The following YIPF1 variants were observed in gnomAD, a reference collection of about 807,000 sequenced individuals.
YIPF1 encodes the protein protein YIPF1.
YIPF1 carries 22 observed loss-of-function variants against 37.0 expected under a neutral mutation model. That is an observed-to-expected ratio of 0.59 (90% CI 0.42 to 0.85). The LOEUF (loss-of-function observed/expected upper bound fraction) is 0.85. Ranked by LOEUF, YIPF1 falls within the 40% of genes least tolerant of loss-of-function variation. The probability of loss-of-function intolerance (pLI) is 0.00; values close to 1 mark genes in which losing one functional copy is unlikely to be tolerated. For synonymous variants in YIPF1, 128 were observed against 131.9 expected (o/e 0.97, Z 0.21); for missense variants, 355 against 373.1 (o/e 0.95, Z 0.40).
At chr1:53,877,664 C>T (rs903613883) in intron 6 of YIPF1, among the ~76,000 whole-genome samples, 1 of 152,116 alleles carries the variant, frequency 6.6e-6, no homozygotes, top group Non-Finnish European at 1.5e-5. Flanking sequence ...GGAGCCAGCT[C>T]ATCTGAGGGC....
rs376157782 is a variant in YIPF1 at position 53,888,932 on chromosome 1, T to C, written c.6A>G (p.Ala2=). ...CTTCAAATTGCAAGTCATCTACTGC[T>C]GCCATTCGGCCAGTGAGTCTTCTCC... M[A]AVDDLQFEEF... is the part of the protein sequence containing the mutation. The change falls in exon 3 of 11, where the codon GCA becomes GCG. Residue 2 remains alanine (A), a synonymous_variant. Coordinates refer to ENST00000072644, the MANE Select transcript of YIPF1 (RefSeq NM_018982.5). 4.4e-6 allele frequency: 7 copies of C among 1,597,186 alleles called. No homozygotes were observed. The highest frequency in any genetic ancestry group is 6.0e-6 in the Non-Finnish European group (7 of 1,166,108).
rs1371922616 is a variant in YIPF1, at chr1:53,866,850, T to C, written c.556A>G (p.Arg186Gly). ...PLALWGFLMW[R>G]NSKVMNIVSY... ...ACGATGTTCATAACTTTGCTGTTTC[T>C]CCACATGAGGAAACCCCAGAGTGCA... is the stretch of plus-strand genomic sequence containing the variant. The change falls in exon 8 of 11, where the codon AGA (arginine) becomes GGA (glycine). Residue 186 changes from arginine to glycine, a missense_variant. By Grantham distance (125) the Arg-to-Gly change is moderately radical. Transcript: ENST00000072644. 2 of 1,614,210 alleles carry C rather than the reference T, an allele frequency of 1.2e-6. No homozygotes were observed. The highest frequency in any genetic ancestry group is 3.3e-5 in the Admixed American group (2 of 60,032).
chr1:53,883,042 G>A (rs1650543148), intron 4 of YIPF1, 71 bp downstream of exon 4: 3 of 1,481,838 alleles, frequency 2.0e-6, no homozygotes, highest in Non-Finnish European at 2.7e-6. Flanking sequence ...CTGGCACACA[G>A]TAGACAGTGA....
chr1:53,852,476 T>C (rs997054426), intron 10 of YIPF1, among the ~76,000 whole-genome samples: 1 of 152,204 alleles, frequency 6.6e-6, no homozygotes, highest in Non-Finnish European at 1.5e-5. Flanking sequence ...AGAAAGATGA[T>C]GCTTTAAAAA....
chr1:53,888,596 A>C (rs1650718524), intron 3 of YIPF1, among the ~76,000 whole-genome samples: 1 of 152,224 alleles, frequency 6.6e-6, no homozygotes. Context: ...AGTATCTTGT[A>C]CGGTTCTAAG....
intron 8 of YIPF1, 43 bp downstream of exon 8, chr1:53,866,715 A>G: frequency 1.3e-6 from 2 of 1,574,686 alleles, no homozygotes; most frequent in Non-Finnish European, 1.7e-6. Context: ...TCTACCAAGA[A>G]CAGAGCATCA....
chr1:53,858,859 C>T (rs1003470568), intron 10 of YIPF1, among the ~76,000 whole-genome samples: 6 of 152,184 alleles, frequency 3.9e-5, no homozygotes. Flanking sequence ...TGGTCTCAAA[C>T]TCTTGAGCTC....
intron 3 of YIPF1, among the ~76,000 whole-genome samples, chr1:53,887,577 A>G (rs558172959): frequency 2.6e-5 from 4 of 152,130 alleles, no homozygotes; most frequent in South Asian, 2.1e-4. Flanking sequence ...TGGTGAGAGT[A>G]GTGGTGGAGG....
chr1:53,858,646 A>G (rs1649785542), intron 10 of YIPF1, among the ~76,000 whole-genome samples: 1 of 152,032 alleles, frequency 6.6e-6, no homozygotes, highest in African/African-American at 2.4e-5. Context: ...TATCATTATT[A>G]TTATTAGAGA....
chr1:53,880,308 T>G (rs1241609637), intron 4 of YIPF1, among the ~76,000 whole-genome samples: 1 of 151,988 alleles, frequency 6.6e-6, no homozygotes, highest in African/African-American at 2.4e-5. Flanking sequence ...TCTCGTTCTT[T>G]TGTATGAATG....
intron 4 of YIPF1, among the ~76,000 whole-genome samples, chr1:53,882,716 C>T (rs537765112): frequency 3.5e-4 from 53 of 152,318 alleles, no homozygotes; most frequent in African/African-American, 1.1e-3. Context: ...GCCTCAGCCT[C>T]CCAAAATGCT....
chr1:53,888,785 C>T (rs1650724019), intron 3 of YIPF1, 122 bp downstream of exon 3: 2 of 1,029,304 alleles, frequency 1.9e-6, no homozygotes, highest in Non-Finnish European at 2.8e-6. Flanking sequence ...ATGTGGCCAA[C>T]AGCCACCAAG....
In YIPF1 at chr1:53,878,652, T is replaced by C. The variant is rs1650399860; in HGVS notation, c.266A>G (p.Asp89Gly). The C allele has an allele frequency of 2.5e-6, 4 of 1,604,230 alleles. No homozygotes were observed. Among genetic ancestry groups the C allele is most frequent in the Non-Finnish European group, 2.5e-6 (3 of 1,178,092 alleles). ...AATTGGTTTCCAAACCTGGTAGGTGTCCACATCAAAGAATGTTTGGTAGTA... is the reference window on the plus strand; with the variant it reads ...AATTGGTTTCCAAACCTGGTAGGTGCCCACATCAAAGAATGTTTGGTAGTA... ...FEYYQTFFDV[D>G]TYQVFDRIKG... The change falls in exon 5 of 11, where the codon GAC becomes GGC. Residue 89 changes from aspartate (D) to glycine (G), a missense_variant. Coordinates refer to ENST00000072644, the MANE Select transcript of YIPF1 (RefSeq NM_018982.5).
chr1:53,883,207 C>G lies in YIPF1; in HGVS notation c.101G>C (p.Gly34Ala). Residue 34 changes from glycine (G) to alanine (A), a missense_variant, in exon 4 of 11, where the codon GGT (glycine) becomes GCT (alanine). By Grantham distance (60) the Gly-to-Ala change is moderately conservative. Coordinates refer to ENST00000072644, the MANE Select transcript of YIPF1 (RefSeq NM_018982.5). Reference sequence around the variant, plus strand: ...TCCTGGCTGATGTTTTGGGGTTTCACCAGGATCCTCAATGTTTACTGTGGT... The same window carrying G: ...TCCTGGCTGATGTTTTGGGGTTTCAGCAGGATCCTCAATGTTTACTGTGGT... ...DATTVNIEDP[G>A]ETPKHQPGSP... 1.3e-6 allele frequency: 2 copies of G among 1,597,836 alleles called. No individual in the cohort carries two copies. Among genetic ancestry groups the G allele is most frequent in the Non-Finnish European group, 1.7e-6 (2 of 1,173,182 alleles).
At chr1:53,866,992 C>A in intron 7 of YIPF1, 68 bp from the exon 8 acceptor site, 1 of 1,521,720 alleles carries the variant, frequency 6.6e-7, no homozygotes, top group Non-Finnish European at 8.8e-7. Context: ...GCACTTCCAA[C>A]ACCTTATTGT....
intron 10 of YIPF1, 132 bp downstream of exon 10, chr1:53,859,924 C>T: frequency 2.4e-6 from 2 of 836,114 alleles, no homozygotes; most frequent in Non-Finnish European, 3.7e-6. Flanking sequence ...TGCACATGCA[C>T]AAACCCACGC....
chr1:53,866,659 A>C, intron 8 of YIPF1, 99 bp downstream of exon 8: 30 of 1,363,508 alleles, frequency 2.2e-5, no homozygotes, highest in African/African-American at 4.4e-5. Context: ...GAACATGAGT[A>C]TTGCGCTGGA....
At chr1:53,883,356 G>A in intron 3 of YIPF1, 80 bp from the exon 4 acceptor site, 1 of 1,407,522 alleles carries the variant, frequency 7.1e-7, no homozygotes, top group Non-Finnish European at 9.3e-7. Context: ...AAGACAAGCT[G>A]TCACAACCTC....
chr1:53,885,005 C>G (rs1052317269), intron 3 of YIPF1, among the ~76,000 whole-genome samples: 1 of 152,148 alleles, frequency 6.6e-6, no homozygotes, highest in Non-Finnish European at 1.5e-5. Flanking sequence ...ACTGAAGCCT[C>G]AATTGGCAAT....
Sources: gnomAD v4.1 joint callset for allele counts (sites outside exome capture counted in the v4.1 genomes callset) on GRCh38, gnomAD v4.1.1 for gene constraint, MANE v1.5 for transcripts, NCBI Gene and HGNC (gene_info 2026-07-23, HGNC 2026-07-21) for gene names.